The following DNER variants were observed in gnomAD, a reference collection of about 807,000 sequenced individuals.
DNER encodes the protein delta/notch like EGF repeat containing, also known as delta and Notch-like epidermal growth factor-related receptor.
DNER carries 33 observed loss-of-function variants against 78.2 expected under a neutral mutation model. The observed-to-expected ratio is 0.42, with a 90% CI of 0.32 to 0.56. The LOEUF is 0.56. Among genes scored for constraint, DNER ranks in the 20% least tolerant of loss-of-function variants. The probability of loss-of-function intolerance (pLI) is 0.11; values close to 1 mark genes in which losing one functional copy is unlikely to be tolerated. For missense variants in DNER, 918 were observed against 975.3 expected (o/e 0.94, Z 0.78); for synonymous variants, 417 against 384.8 (o/e 1.08, Z -0.98).
Position 229,591,824 on chromosome 2 carries a change from C to A in DNER, c.341G>T (p.Ser114Ile). The A allele has an allele frequency of 1.2e-6, 2 of 1,602,450 alleles. No individual in the cohort carries two copies. Among genetic ancestry groups the A allele is most frequent in the Non-Finnish European group, 1.7e-6 (2 of 1,178,588 alleles). The change falls in exon 2 of 13, where the codon AGC becomes ATC. Residue 114 changes from serine to isoleucine, a missense_variant. Ser to Ile is a moderately radical substitution (Grantham distance 142, BLOSUM62 -2). Coordinates refer to ENST00000341772, the MANE Select transcript of DNER (RefSeq NM_139072.4). The surrounding 1 kb of genome is among the most constrained non-coding windows in gnomAD (Gnocchi z 4.6). The part of the protein sequence containing the change: ...HHGNCSSSSS[S>I]SSDGYLCICN... ...AATGCAGAGGTAGCCATCGCTGCTGCTGCTGCTGCTGCTGCTGCAGTTGCC... is the reference window on the plus strand; with the variant it reads ...AATGCAGAGGTAGCCATCGCTGCTGATGCTGCTGCTGCTGCTGCAGTTGCC...
At chr2:229,493,679 G>C (rs12467233) in intron 6 of DNER, among the ~76,000 whole-genome samples, 18,986 of 152,112 alleles carry the variant, frequency 0.12, 1,318 homozygotes, top group South Asian at 0.2. Flanking sequence ...ATTCATTCAG[G>C]AAGTCCTTAT....
rs146993375 is a variant in DNER, at chr2:229,688,954, C to T, written c.276+25194G>A. ...AGCTGAGAAATAAGAACATATGGAA[C>T]CAGGGAGGGGAACAACACACAATGG... On this transcript the variant is annotated intron_variant, in intron 1 of 12. Coordinates refer to ENST00000341772, the MANE Select transcript of DNER (RefSeq NM_139072.4). Among the ~76,000 whole-genome samples the T allele has an allele frequency of 4.0e-3, 614 of 152,124 alleles. 5 individuals carry two copies. Among genetic ancestry groups the T allele is most frequent in the African/African-American group, 0.014 (580 of 41,470 alleles).
intron 1 of DNER, among the ~76,000 whole-genome samples, chr2:229,675,214 G>T (rs1437695722): frequency 1.3e-5 from 2 of 152,204 alleles, no homozygotes; most frequent in South Asian, 2.1e-4. Flanking sequence ...AAGTCCAAAA[G>T]CCTGTGGAAG....
chr2:229,704,315 G>T (rs115380872), intron 1 of DNER, among the ~76,000 whole-genome samples: 3 of 152,056 alleles, frequency 2.0e-5, no homozygotes, highest in African/African-American at 7.2e-5. Flanking sequence ...AGTTTAACAC[G>T]CACTTACCAC....
chr2:229,358,974 C>A (rs1326038387), intron 12 of DNER, among the ~76,000 whole-genome samples: 1 of 152,172 alleles, frequency 6.6e-6, no homozygotes, highest in Non-Finnish European at 1.5e-5. Context: ...TCTTTTTCTT[C>A]TGAGGCCCAT....
At chr2:229,487,481 AG>A (rs1185241899) in intron 6 of DNER, among the ~76,000 whole-genome samples, 2 of 152,246 alleles carry the variant, frequency 1.3e-5, no homozygotes, top group Admixed American at 1.3e-4. Context: ...AATACCTCAA[AG>A]GGGAAGATAT....
At chr2:229,407,162 G>T in intron 10 of DNER, 70 bp downstream of exon 10, 2 of 1,424,828 alleles carry the variant, frequency 1.4e-6, no homozygotes, top group Non-Finnish European at 9.7e-7. Context: ...ATGGATTTGG[G>T]TTTTTTTAAC....
intron 11 of DNER, among the ~76,000 whole-genome samples, chr2:229,387,567 G>GAA (rs766149029): frequency 1.8e-4 from 25 of 142,362 alleles, no homozygotes; most frequent in Admixed American, 2.8e-4. Context: ...AAGAAAGAAA[G>GAA]AAAAGAAAGA....
chr2:229,708,317 A>G (rs560378134), intron 1 of DNER, among the ~76,000 whole-genome samples: 1 of 152,248 alleles, frequency 6.6e-6, no homozygotes. Flanking sequence ...TACCAGTGCC[A>G]GGCCCCACCC....
At chr2:229,566,191 A>AACAGC (rs1255233292) in intron 4 of DNER, among the ~76,000 whole-genome samples, 36 of 152,300 alleles carry the variant, frequency 2.4e-4, no homozygotes, top group African/African-American at 8.7e-4. Flanking sequence ...AAAGCTGTTG[A>AACAGC]TTGACATGTT....
At chr2:229,418,631 G>A (rs1327261038) in intron 8 of DNER, among the ~76,000 whole-genome samples, 1 of 152,064 alleles carries the variant, frequency 6.6e-6, no homozygotes, top group Non-Finnish European at 1.5e-5. Context: ...ACCTGGCTCG[G>A]TGTGGTGGCT....
chr2:229,684,145 TGAGAGAGAGAGA>T (rs67820927), intron 1 of DNER, among the ~76,000 whole-genome samples: 2 of 123,072 alleles, frequency 1.6e-5, no homozygotes, highest in African/African-American at 3.3e-5. Context: ...TCTGTGTATG[TGAGAGAGAGAGA>T]GAGAGAGAGA....
chr2:229,418,583 G>A (rs868339768), intron 8 of DNER, among the ~76,000 whole-genome samples: 1 of 152,028 alleles, frequency 6.6e-6, no homozygotes, highest in Non-Finnish European at 1.5e-5. Flanking sequence ...CAGGATTTAC[G>A]GCAGGGGAGG....
intron 4 of DNER, among the ~76,000 whole-genome samples, chr2:229,567,793 T>G (rs1261699808): frequency 6.6e-6 from 1 of 152,246 alleles, no homozygotes; most frequent in Non-Finnish European, 1.5e-5. Context: ...AATTCTGTAA[T>G]TCAATGTGAC....
chr2:229,381,068 G>GT (rs1392492715), intron 11 of DNER, among the ~76,000 whole-genome samples: 1 of 152,208 alleles, frequency 6.6e-6, no homozygotes, highest in East Asian at 1.9e-4. Flanking sequence ...TCCAACTGAG[G>GT]TAGCTGGCTC....
intron 5 of DNER, among the ~76,000 whole-genome samples, chr2:229,518,936 C>A (rs1379374809): frequency 6.7e-6 from 1 of 149,836 alleles, no homozygotes; most frequent in African/African-American, 2.5e-5. Context: ...AAGAACGATG[C>A]AAATCATGCG....
At chr2:229,503,925 G>A (rs74202774) in intron 6 of DNER, among the ~76,000 whole-genome samples, 3 of 151,942 alleles carry the variant, frequency 2.0e-5, no homozygotes, top group Non-Finnish European at 4.4e-5. Flanking sequence ...AGGTTTTTTT[G>A]TAGAGATGGA....
At chr2:229,411,982 A>G (rs902284300) in intron 9 of DNER, among the ~76,000 whole-genome samples, 3 of 152,148 alleles carry the variant, frequency 2.0e-5, no homozygotes, top group Non-Finnish European at 2.9e-5. Context: ...CTAAATATTT[A>G]TTATTGTTAT....
intron 1 of DNER, among the ~76,000 whole-genome samples, chr2:229,688,310 G>T (rs752892748): frequency 6.6e-6 from 1 of 152,188 alleles, no homozygotes; most frequent in African/African-American, 2.4e-5. Context: ...ACAGACGGAC[G>T]CATGGATTTG....
Sources: allele counts gnomAD v4.1 joint callset (sites outside exome capture counted in the v4.1 genomes callset), GRCh38; gene constraint gnomAD v4.1.1; non-coding constraint Gnocchi (gnomAD v3.1); transcripts MANE v1.5; gene names NCBI Gene and HGNC (gene_info 2026-07-23, HGNC 2026-07-21).